HSF5: variants seen among roughly 807,000 people sequenced by gnomAD.
HSF5 encodes the protein heat shock factor protein 5.
HSF5 carries 5 observed loss-of-function variants against 50.8 expected under a neutral mutation model. That is an observed-to-expected ratio of 0.10 (90% confidence interval 0.05 to 0.21). HSF5 has a LOEUF of 0.21. Among genes scored for constraint, HSF5 ranks in the 10% least tolerant of loss-of-function variants. HSF5 has a pLI of 1.00. For missense variants in HSF5, 564 were observed against 762.6 expected, an observed-to-expected ratio of 0.74 and a Z score of 3.07; for synonymous variants, 307 against 307.4, an observed-to-expected ratio of 1.00 and a Z score of 0.02.
At chr17:58,427,343 TTTTAA>T (rs1974309360) in intron 5 of HSF5, among the ~76,000 whole-genome samples, 1 of 152,106 alleles carries the variant, frequency 6.6e-6, no homozygotes. Flanking sequence ...TTAAAGAAAA[TTTTAA>T]TTTAGTTTTT....
chr17:58,435,045 G>A (rs1974408404), intron 5 of HSF5, among the ~76,000 whole-genome samples: 3 of 152,118 alleles, frequency 2.0e-5, no homozygotes, highest in African/African-American at 7.2e-5. Context: ...TAAATATGTT[G>A]GTGGGAAGAT....
At chr17:58,454,092 C>T (rs1291857985) in intron 5 of HSF5, among the ~76,000 whole-genome samples, 3 of 152,048 alleles carry the variant, frequency 2.0e-5, no homozygotes, top group Non-Finnish European at 2.9e-5. Flanking sequence ...GACTCTGTCA[C>T]AAACACTCTG....
chr17:58,443,049 A>C (rs1173050529), intron 5 of HSF5, among the ~76,000 whole-genome samples: 1 of 151,900 alleles, frequency 6.6e-6, no homozygotes, highest in Non-Finnish European at 1.5e-5. Flanking sequence ...CTGGGACTAC[A>C]GGCGCCCACC....
chr17:58,425,485 G>A (rs1443328502), intron 5 of HSF5, among the ~76,000 whole-genome samples: 1 of 145,600 alleles, frequency 6.9e-6, no homozygotes, highest in Non-Finnish European at 1.5e-5. Context: ...GGCTGAAGCA[G>A]GAGAATTACT....
Position 58,462,817 on chromosome 17 carries a change from A to T in HSF5, c.1507T>A (p.Phe503Ile), listed in dbSNP as rs1974810903. 6.2e-7 allele frequency: 1 copy of T among 1,612,134 alleles called. No homozygotes were observed. The highest frequency in any genetic ancestry group is 1.1e-5 in the South Asian group (1 of 90,706). ...NHNPSPSSVV[F>I]VQEGPPFSTH... ...CTGAATGGTGGCCCTTCCTGCACAA[A>T]TACTACTGAAGATGGAGATGGATTA... Residue 503 changes from phenylalanine to isoleucine, a missense_variant, in exon 4 of 6, where the codon TTT (phenylalanine) becomes ATT (isoleucine). Coordinates refer to ENST00000323777, the MANE Select transcript of HSF5 (RefSeq NM_001080439.3).
At chr17:58,478,300 T>TATATAC (rs1555644235) in intron 2 of HSF5, among the ~76,000 whole-genome samples, 3 of 145,100 alleles carry the variant, frequency 2.1e-5, no homozygotes, top group Non-Finnish European at 3.0e-5. Flanking sequence ...TATATATATA[T>TATATAC]ACACACACAC....
chr17:58,469,274 G>A (rs551492783), intron 2 of HSF5, among the ~76,000 whole-genome samples: 4 of 152,082 alleles, frequency 2.6e-5, no homozygotes, highest in African/African-American at 4.8e-5. Flanking sequence ...GGAAGTTTCT[G>A]ACTCCATTGG....
chr17:58,427,150 C>T (rs531356408), intron 5 of HSF5, among the ~76,000 whole-genome samples: 1 of 151,928 alleles, frequency 6.6e-6, no homozygotes, highest in South Asian at 2.1e-4. Flanking sequence ...GGCTATAGTC[C>T]CAGCTACTCA....
At chr17:58,432,092 A>G (rs1326348642) in intron 5 of HSF5, among the ~76,000 whole-genome samples, 1 of 152,150 alleles carries the variant, frequency 6.6e-6, no homozygotes, top group African/African-American at 2.4e-5. Context: ...ATTTATCACA[A>G]TTTTTTAAAA....
At chr17:58,475,341 T>C (rs1339720169) in intron 2 of HSF5, among the ~76,000 whole-genome samples, 1 of 152,216 alleles carries the variant, frequency 6.6e-6, no homozygotes, top group African/African-American at 2.4e-5. Context: ...TGTCCACTTT[T>C]AACCTTTAAA....
intron 1 of HSF5, among the ~76,000 whole-genome samples, chr17:58,483,666 C>T (rs1975130284): frequency 6.6e-6 from 1 of 152,198 alleles, no homozygotes; most frequent in African/African-American, 2.4e-5. Flanking sequence ...CTTCTCAGAT[C>T]TGTTACTTAG....
Position 58,467,563 on chromosome 17 carries a change from G to C in HSF5, c.926-584C>G, listed in dbSNP as rs565524225. On this transcript the variant is annotated intron_variant, in intron 2 of 5. Coordinates refer to ENST00000323777, the MANE Select transcript of HSF5 (RefSeq NM_001080439.3). ...GCTTTACAGCCCAGTGTAAATTTGA[G>C]CATGGTTAATCTCTGTGTACCTCAG... 1.7e-3 allele frequency among the ~76,000 whole-genome samples: 257 copies of C among 152,342 alleles called. 1 individual carries two copies. The highest frequency in any genetic ancestry group is 5.8e-3 in the African/African-American group (241 of 41,576).
At chr17:58,447,791 A>G (rs1370416816) in intron 5 of HSF5, among the ~76,000 whole-genome samples, 1 of 152,218 alleles carries the variant, frequency 6.6e-6, no homozygotes, top group East Asian at 1.9e-4. Context: ...ACAGGGCCAG[A>G]CTGCAAAGAC....
intron 5 of HSF5, among the ~76,000 whole-genome samples, chr17:58,443,150 G>A (rs541188644): frequency 4.6e-5 from 7 of 151,998 alleles, no homozygotes; most frequent in Non-Finnish European, 8.8e-5. Context: ...CTCGTGATCT[G>A]CCTGCCTTGG....
In HSF5 at chr17:58,462,896, C is replaced by T; in HGVS notation, c.1428G>A (p.Gln476=). 6.2e-7 allele frequency: 1 copy of T among 1,614,104 alleles called. No homozygotes were observed. Among genetic ancestry groups the T allele is most frequent in the Admixed American group, 1.7e-5 (1 of 59,994 alleles). The change falls in exon 4 of 6, where the codon CAG becomes CAA. Residue 476 remains glutamine (Q), a synonymous_variant. Coordinates refer to ENST00000323777, the MANE Select transcript of HSF5 (RefSeq NM_001080439.3). ...GAGCTTGCTGGATGGCTGCAGATTCCTGTATTGTGCTATTTTCAACAGGCT... is the reference window on the plus strand; with the variant it reads ...GAGCTTGCTGGATGGCTGCAGATTCTTGTATTGTGCTATTTTCAACAGGCT... ...TAQPVENSTI[Q]ESAAIQQAHV...
chr17:58,464,471 C>T (rs1974834949), intron 3 of HSF5, among the ~76,000 whole-genome samples: 1 of 152,200 alleles, frequency 6.6e-6, no homozygotes, highest in Admixed American at 6.5e-5. Flanking sequence ...ATACAATGTA[C>T]TGACTGTGCA....
At chr17:58,474,228 T>C (rs1974983027) in intron 2 of HSF5, among the ~76,000 whole-genome samples, 1 of 152,228 alleles carries the variant, frequency 6.6e-6, no homozygotes, top group Non-Finnish European at 1.5e-5. Context: ...GAATTAAGTA[T>C]TTCTAGGGTA....
At position 58,480,084 on chromosome 17, in the gene HSF5, G is replaced by T; in HGVS notation, c.734C>A (p.Ser245Tyr). ...AACCCCTTTATCTGAAAATGTGGGA[G>T]ATGTCTCCACTTGTCCAGGATGCAT... is the stretch of plus-strand genomic sequence containing the variant. ...LGMHPGQVET[S>Y]PTFSDKGVPF... Residue 245 changes from serine (S) to tyrosine (Y), a missense_variant, in exon 2 of 6, where the codon TCT (serine) becomes TAT (tyrosine). By Grantham distance (144) the Ser-to-Tyr change is moderately radical. Coordinates refer to ENST00000323777, the MANE Select transcript of HSF5 (RefSeq NM_001080439.3). 4.3e-6 allele frequency: 7 copies of T among 1,614,060 alleles called. No individual in the cohort carries two copies. Among genetic ancestry groups the T allele is most frequent in the Non-Finnish European group, 5.9e-6 (7 of 1,179,946 alleles).
chr17:58,475,387 A>C (rs1166168357), intron 2 of HSF5, among the ~76,000 whole-genome samples: 1 of 152,244 alleles, frequency 6.6e-6, no homozygotes, highest in East Asian at 1.9e-4. Flanking sequence ...TGAAACAAAA[A>C]GAAAATTTAA....
Sources: allele counts gnomAD v4.1 joint callset (sites outside exome capture counted in the v4.1 genomes callset), GRCh38; gene constraint gnomAD v4.1.1; transcripts MANE v1.5; gene names NCBI Gene and HGNC (gene_info 2026-07-23, HGNC 2026-07-21).